CNTN4: variants seen among roughly 807,000 people sequenced by gnomAD.
CNTN4 encodes contactin-4.
Under a neutral mutation model 122.5 loss-of-function variants are expected in CNTN4, and 77 were observed. That is an observed-to-expected ratio of 0.63 (90% confidence interval 0.52 to 0.76). The LOEUF (loss-of-function observed/expected upper bound fraction) is 0.76, where lower values mean the gene tolerates loss of function less well. Ranked by LOEUF, CNTN4 falls within the 30% of genes least tolerant of loss-of-function variation. The pLI, the probability that CNTN4 is intolerant of heterozygous loss-of-function variation, is 0.00. For missense variants in CNTN4, 1,256 were observed against 1,259.1 expected (o/e 1.00, Z 0.04); for synonymous variants, 512 against 447.0 (o/e 1.15, Z -1.83).
chr3:2,211,604 G>C (rs1020339843), intron 2 of CNTN4, among the ~76,000 whole-genome samples: 1 of 152,090 alleles, frequency 6.6e-6, no homozygotes, highest in African/African-American at 2.4e-5. Context: ...ACACAGATTT[G>C]TCTGTACCAA....
chr3:2,413,312 A>G (rs2047295154), intron 3 of CNTN4, among the ~76,000 whole-genome samples: 1 of 152,230 alleles, frequency 6.6e-6, no homozygotes. Flanking sequence ...AATCATTCTC[A>G]ATCACTTATT....
intron 2 of CNTN4, among the ~76,000 whole-genome samples, chr3:2,321,137 G>T (rs1024100078): frequency 6.6e-6 from 1 of 151,918 alleles, no homozygotes; most frequent in South Asian, 2.1e-4. Flanking sequence ...AGCTCTGAAG[G>T]GACCCATTTT....
chr3:2,332,629 C>T (rs193024192), intron 2 of CNTN4, among the ~76,000 whole-genome samples: 7 of 150,892 alleles, frequency 4.6e-5, no homozygotes, highest in African/African-American at 1.5e-4. Context: ...GAACAAAAAA[C>T]CAAACACCGC....
intron 4 of CNTN4, among the ~76,000 whole-genome samples, chr3:2,690,247 A>G (rs1426060298): frequency 1.3e-5 from 2 of 152,194 alleles, no homozygotes; most frequent in Non-Finnish European, 1.5e-5. Context: ...ACAGGTAATT[A>G]GAGGTAAAAT....
At chr3:2,390,419 A>G (rs1471357318) in intron 3 of CNTN4, among the ~76,000 whole-genome samples, 1 of 152,152 alleles carries the variant, frequency 6.6e-6, no homozygotes, top group East Asian at 1.9e-4. Flanking sequence ...ATCCATTAAT[A>G]TATAATCAGA....
intron 6 of CNTN4, among the ~76,000 whole-genome samples, chr3:2,776,845 C>T (rs943896252): frequency 6.6e-6 from 1 of 152,108 alleles, no homozygotes; most frequent in African/African-American, 2.4e-5. Flanking sequence ...CAGACATACC[C>T]CCTTCATTCA....
intron 3 of CNTN4, among the ~76,000 whole-genome samples, chr3:2,355,081 A>T (rs991426061): frequency 4.6e-5 from 7 of 152,174 alleles, no homozygotes; most frequent in African/African-American, 1.4e-4. Flanking sequence ...AACTGCTGTG[A>T]ATGCCCCCAA....
At chr3:2,571,743 T>C (rs745609573) in intron 4 of CNTN4, among the ~76,000 whole-genome samples, 185 bp downstream of exon 4, 2 of 152,230 alleles carry the variant, frequency 1.3e-5, no homozygotes, top group Non-Finnish European at 2.9e-5. Flanking sequence ...TTTCATGGTG[T>C]TGTATCCAGA....
At chr3:3,054,680 T>C (rs1701619633) in intron 24 of CNTN4, among the ~76,000 whole-genome samples, 1 of 152,192 alleles carries the variant, frequency 6.6e-6, no homozygotes, top group Non-Finnish European at 1.5e-5. Context: ...AGGCTAGTGA[T>C]TGGCAGTGGC....
At chr3:2,606,601 T>A (rs191402198) in intron 4 of CNTN4, among the ~76,000 whole-genome samples, 10 of 152,356 alleles carry the variant, frequency 6.6e-5, no homozygotes, top group Non-Finnish European at 1.0e-4. Context: ...TAATTCCATA[T>A]GCTTTTCTTA....
chr3:2,784,525 C>G (rs2091735520), intron 6 of CNTN4, among the ~76,000 whole-genome samples: 1 of 152,126 alleles, frequency 6.6e-6, no homozygotes, highest in African/African-American at 2.4e-5. Flanking sequence ...CAAAGTTAAA[C>G]CATACTCTGA....
chr3:2,205,268 AT>A (rs1425348411), intron 2 of CNTN4, among the ~76,000 whole-genome samples: 2 of 150,034 alleles, frequency 1.3e-5, no homozygotes, highest in Non-Finnish European at 3.0e-5. Flanking sequence ...TATTATTATG[AT>A]TTTTTTCCAC....
Position 2,227,234 on chromosome 3 carries a change from T to C in CNTN4, c.-144-111944T>C, listed in dbSNP as rs1332079599. Among the ~76,000 whole-genome samples, 4 of 152,214 alleles carry C rather than the reference T, an allele frequency of 2.6e-5. No homozygotes were observed. The East Asian group carries it at 7.7e-4, about 29-fold the overall frequency. On this transcript the variant is annotated intron_variant, in intron 2 of 24. Transcript: ENST00000418658. Reference sequence around the variant, plus strand: ...ATTATTTATCTTTACATTCCTATATTTTCACTTTTCATTGTAAATACATTC... The same window carrying C: ...ATTATTTATCTTTACATTCCTATATCTTCACTTTTCATTGTAAATACATTC...
intron 4 of CNTN4, among the ~76,000 whole-genome samples, chr3:2,600,005 CTTCTTTT>C (rs1216532078): frequency 0.019 from 532 of 28,268 alleles, 21 homozygotes; most frequent in African/African-American, 0.038. Context: ...TTATGGAATT[CTTCTTTT>C]TTTTTTTTTT....
intron 16 of CNTN4, among the ~76,000 whole-genome samples, chr3:3,033,608 C>T (rs1699364262): frequency 6.6e-6 from 1 of 152,156 alleles, no homozygotes; most frequent in Admixed American, 6.5e-5. Flanking sequence ...GGAACATCTC[C>T]TTATGCCCGT....
rs75892416 is a variant in CNTN4, at chr3:2,717,210, C to T, written c.56-19005C>T. ...TGGCCCTTTATTGGCATGTGGAAAC[C>T]TGGATTTCAGTAGGGTGCCCACTAC... On this transcript the variant is annotated intron_variant, in intron 4 of 24. Coordinates refer to ENST00000418658, the MANE Select transcript of CNTN4 (RefSeq NM_175607.3). 4.2e-3 allele frequency among the ~76,000 whole-genome samples: 639 copies of T among 152,208 alleles called. 7 individuals are homozygous for T. The highest frequency in any genetic ancestry group is 0.015 in the African/African-American group (617 of 41,536).
At chr3:2,959,708 A>G (rs13096860) in intron 13 of CNTN4, among the ~76,000 whole-genome samples, 26,444 of 152,020 alleles carry the variant, frequency 0.17, 2,515 homozygotes, top group East Asian at 0.39. Flanking sequence ...CTCATCAGAA[A>G]CAGTTTGGGA....
Position 2,609,752 on chromosome 3 carries a change from C to T in CNTN4, c.55+38194C>T, listed in dbSNP as rs137991712. Among the ~76,000 whole-genome samples, 864 of 152,226 alleles carry T rather than the reference C, an allele frequency of 5.7e-3. 10 individuals are homozygous for T. Among genetic ancestry groups the T allele is most frequent in the African/African-American group, 0.019 (803 of 41,542 alleles). On this transcript the variant is annotated intron_variant, in intron 4 of 24. Transcript: ENST00000418658. ...AGGGTAGTTTGGGTAGCACCAAAGT[C>T]ACCTATAATTAAAATTACATATTTT...
intron 3 of CNTN4, among the ~76,000 whole-genome samples, chr3:2,376,248 T>A (rs2045811709): frequency 6.6e-6 from 1 of 152,206 alleles, no homozygotes; most frequent in Admixed American, 6.5e-5. Context: ...CCTTTAACAG[T>A]TTCTATCGAA....
Sources: allele counts gnomAD v4.1 joint callset (sites outside exome capture counted in the v4.1 genomes callset), GRCh38; gene constraint gnomAD v4.1.1; transcripts MANE v1.5; gene names NCBI Gene and HGNC (gene_info 2026-07-23, HGNC 2026-07-21).